The following RUFY1 variants were observed in gnomAD, a reference collection of about 807,000 sequenced individuals.
The protein encoded by RUFY1 is RUN and FYVE domain containing 1.
Under a neutral mutation model 94.6 loss-of-function variants are expected in RUFY1, and 54 were observed. The observed-to-expected ratio is 0.57, with a 90% CI of 0.46 to 0.72. The LOEUF is 0.72. Among genes scored for constraint, RUFY1 ranks in the 30% least tolerant of loss-of-function variants. The pLI is 0.00. For synonymous variants in RUFY1, 396 were observed against 347.3 expected (o/e 1.14, Z -1.56); for missense variants, 883 against 883.9 (o/e 1.00, Z 0.01).
rs183307287 is a variant in RUFY1, at chr5:179,609,667, G to T, written c.*148G>T. ...CTGGCACTCCAGAAGACAGCGTGCC[G>T]GAACCGGCAGCTCTCACCTTTCTGT... On this transcript the variant is annotated 3_prime_UTR_variant, in exon 18 of 18. Coordinates refer to ENST00000319449, the MANE Select transcript of RUFY1 (RefSeq NM_025158.5). 4.2e-6 allele frequency: 3 copies of T among 718,280 alleles called. No individual in the cohort carries two copies. In the African/African-American group the frequency reaches 5.5e-5, roughly 13 times the overall value. 44.5% of individuals were successfully genotyped at this position (718,280 alleles called of 1,614,324 possible).
At chr5:179,587,532 C>T (rs1361806229) in intron 8 of RUFY1, among the ~76,000 whole-genome samples, 2 of 148,554 alleles carry the variant, frequency 1.3e-5, no homozygotes, top group African/African-American at 2.5e-5. Context: ...GCTGGGACTA[C>T]AGGCGCCCGC....
intron 16 of RUFY1, chr5:179,606,139 C>T (rs1767060725): frequency 1.7e-6 from 1 of 583,268 alleles, no homozygotes; most frequent in Admixed American, 3.1e-5. Context: ...TCTTCCGACT[C>T]CAGTTCCTCC....
intron 1 of RUFY1, among the ~76,000 whole-genome samples, chr5:179,557,795 C>G (rs1270532131): frequency 6.6e-6 from 1 of 152,114 alleles, no homozygotes; most frequent in African/African-American, 2.4e-5. Context: ...GACCACCCCT[C>G]TGCCCCAAGA....
At chr5:179,592,273 C>G (rs944174220) in intron 10 of RUFY1, among the ~76,000 whole-genome samples, 1 of 152,214 alleles carries the variant, frequency 6.6e-6, no homozygotes, top group Non-Finnish European at 1.5e-5. Flanking sequence ...GCATACGCCA[C>G]CATGCCTGGC....
At chr5:179,609,305 C>T in intron 17 of RUFY1, 71 bp from the exon 18 acceptor site, 2 of 1,527,860 alleles carry the variant, frequency 1.3e-6, no homozygotes, top group Non-Finnish European at 1.8e-6. Flanking sequence ...GCTTCTGGGT[C>T]AGGAAGCAGG....
intron 5 of RUFY1, among the ~76,000 whole-genome samples, chr5:179,570,207 C>T (rs533187708): frequency 6.6e-6 from 1 of 152,248 alleles, no homozygotes; most frequent in Non-Finnish European, 1.5e-5. Context: ...CCCCTTTTAT[C>T]CTGAGCTTTG....
intron 15 of RUFY1, 78 bp from the exon 16 acceptor site, chr5:179,605,798 C>A: frequency 2.1e-6 from 2 of 959,288 alleles, no homozygotes; most frequent in South Asian, 1.3e-5. Context: ...CAAAGCTAGT[C>A]CTGAGAGCCA....
chr5:179,598,284 G>A, intron 13 of RUFY1: 1 of 173,054 alleles, frequency 5.8e-6, no homozygotes, highest in Non-Finnish European at 1.2e-5. Flanking sequence ...GATCACTTGA[G>A]CCCAGGAGGT....
At chr5:179,600,782 C>T (rs1766292478) in intron 14 of RUFY1, among the ~76,000 whole-genome samples, 1 of 146,472 alleles carries the variant, frequency 6.8e-6, no homozygotes, top group South Asian at 2.2e-4. Context: ...CTGCAACCTC[C>T]GCCTCCCCAG....
At chr5:179,560,990 C>T (rs116793111) in intron 2 of RUFY1, among the ~76,000 whole-genome samples, 3,284 of 152,114 alleles carry the variant, frequency 0.022, 117 homozygotes, top group African/African-American at 0.075. Context: ...ACGGAAGGAT[C>T]GCTTGAGCTC....
At chr5:179,588,389 G>A (rs186545717) in intron 8 of RUFY1, among the ~76,000 whole-genome samples, 373 of 151,920 alleles carry the variant, frequency 2.5e-3, no homozygotes, top group African/African-American at 8.6e-3. Context: ...AGGCTGGAAT[G>A]AGGAGGGATG....
rs746272067 is a variant in RUFY1 at position 179,560,101 on chromosome 5, G to T, written c.387G>T (p.Gln129His). The T allele has an allele frequency of 6.2e-7, 1 of 1,614,112 alleles. No individual in the cohort carries two copies. The highest frequency in any genetic ancestry group is 8.5e-7 in the Non-Finnish European group (1 of 1,180,006). Residue 129 changes from glutamine (Q) to histidine (H), a missense_variant, in exon 2 of 18, where the codon CAG becomes CAT. Transcript: ENST00000319449. ...MMKLSIKVLL[Q>H]SALSLGRSLD... ...AACTCAGCATCAAGGTGTTGCTCCA[G>T]TCGGCTCTGAGCCTGGGCCGCAGCC...
intron 7 of RUFY1, among the ~76,000 whole-genome samples, chr5:179,584,704 G>C (rs143245223): frequency 6.6e-6 from 1 of 152,082 alleles, no homozygotes; most frequent in East Asian, 1.9e-4. Flanking sequence ...TGAGGCTACA[G>C]TGAGCCATGA....
chr5:179,565,243 A>G (rs1762757517), intron 3 of RUFY1, among the ~76,000 whole-genome samples: 1 of 139,074 alleles, frequency 7.2e-6, no homozygotes, highest in Non-Finnish European at 1.5e-5. Context: ...CAGTGGCACA[A>G]TCTCGACTCA....
intron 16 of RUFY1, chr5:179,606,328 T>G (rs1308627536): frequency 9.1e-5 from 19 of 208,972 alleles, no homozygotes; most frequent in Non-Finnish European, 5.7e-5. Flanking sequence ...TAGGGACCAC[T>G]CAAGCCAAGC....
intron 14 of RUFY1, among the ~76,000 whole-genome samples, chr5:179,599,910 G>A (rs779908361): frequency 2.6e-5 from 4 of 152,226 alleles, no homozygotes; most frequent in East Asian, 3.9e-4. Context: ...TGCACGATTC[G>A]AGCGAGTCAG....
intron 16 of RUFY1, 84 bp from the exon 17 acceptor site, chr5:179,607,498 A>G (rs1767226063): frequency 1.8e-6 from 2 of 1,093,836 alleles, no homozygotes; most frequent in African/African-American, 1.5e-5. Context: ...GCTATGAGGG[A>G]CAATGGATGT....
intron 12 of RUFY1, 41 bp downstream of exon 12, chr5:179,595,004 G>A: frequency 7.1e-7 from 1 of 1,400,168 alleles, no homozygotes; most frequent in Non-Finnish European, 1.0e-6. Context: ...GGAAGGCTCT[G>A]AGCATTCCCT....
chr5:179,602,864 G>A (rs1044967673), intron 15 of RUFY1: 1 of 152,248 alleles, frequency 6.6e-6, no homozygotes. Flanking sequence ...ACCCGAGATT[G>A]ACCCTGCTCC....
Sources: allele counts gnomAD v4.1 joint callset (sites outside exome capture counted in the v4.1 genomes callset), GRCh38; gene constraint gnomAD v4.1.1; transcripts MANE v1.5; gene names NCBI Gene and HGNC (gene_info 2026-07-23, HGNC 2026-07-21).